The following GLRA2 variants were observed in gnomAD, a reference collection of about 807,000 sequenced individuals.
GLRA2 encodes the protein glycine receptor subunit alpha-2.
Under a neutral mutation model 31.6 loss-of-function variants are expected in GLRA2, and 11 were observed. The observed-to-expected ratio is 0.35, with a 90% CI of 0.22 to 0.58. The LOEUF (loss-of-function observed/expected upper bound fraction) is 0.58. Among genes scored for constraint, GLRA2 ranks in the 20% least tolerant of loss-of-function variants. The pLI, the probability that GLRA2 is intolerant of heterozygous loss-of-function variation, is 0.84. For missense variants in GLRA2, 212 were observed against 351.8 expected (o/e 0.60, Z 3.18); for synonymous variants, 132 against 134.0 (o/e 0.99, Z 0.10).
At position 14,575,421 on chromosome X, in the gene GLRA2, A is replaced by G. The variant is rs192935062; in HGVS notation, c.270+1021A>G. Among the ~76,000 whole-genome samples, 925 of 110,135 alleles carry G rather than the reference A, an allele frequency of 8.4e-3. 5 individuals are homozygous for G. The highest frequency in any genetic ancestry group is 0.013 in the Non-Finnish European group (698 of 52,755). ...CACTATCTTGGCCAGGCTGGTCTTG[A>G]ACTCTTGACCTCAGGTGATCCACCT... On this transcript the variant is annotated intron_variant, in intron 3 of 8. Coordinates refer to ENST00000218075, the MANE Select transcript of GLRA2 (RefSeq NM_002063.4).
At chrX:14,596,953 C>A (rs548335608) in intron 4 of GLRA2, among the ~76,000 whole-genome samples, 1 of 111,393 alleles carries the variant, frequency 9.0e-6, no homozygotes, top group African/African-American at 3.3e-5. Context: ...ACCAGCCTAG[C>A]GGTGTTTTTT....
chrX:14,523,582 G>C, the GLRA2 span, among the ~76,000 whole-genome samples: 1 of 111,619 alleles, frequency 9.0e-6, no homozygotes, highest in African/African-American at 3.3e-5. Context: ...GATTTCAAGT[G>C]AGAGACATAT....
At position 14,576,449 on chromosome X, in the gene GLRA2, G is replaced by GA. The variant is rs201371319; in HGVS notation, c.270+2050dup. Among the ~76,000 whole-genome samples, 974 of 111,427 alleles carry GA rather than the reference G, an allele frequency of 8.7e-3. 7 individuals carry two copies. Among genetic ancestry groups the GA allele is most frequent in the Non-Finnish European group, 0.014 (748 of 53,124 alleles). On this transcript the variant is annotated intron_variant, in intron 3 of 8. Coordinates refer to ENST00000218075, the MANE Select transcript of GLRA2 (RefSeq NM_002063.4). ...CCCTCTTGGCTTTATCGTAATAAGA[G>GA]AGGGGGCAAAGCTTCCAGTAGCCCA...
intron 8 of GLRA2, among the ~76,000 whole-genome samples, chrX:14,725,925 A>G (rs2091924194): frequency 1.8e-5 from 2 of 112,426 alleles, no homozygotes; most frequent in South Asian, 3.6e-4. Flanking sequence ...TGGATGATTC[A>G]TTTTCTGTGA....
chrX:14,463,348 G>A, the GLRA2 span, among the ~76,000 whole-genome samples: 10 of 111,576 alleles, frequency 9.0e-5, no homozygotes, highest in Non-Finnish European at 1.9e-4. Context: ...ATCAAAGCTC[G>A]TATGCCATGC....
chrX:14,484,042 A>G, the GLRA2 span, among the ~76,000 whole-genome samples: 1 of 111,708 alleles, frequency 9.0e-6, no homozygotes, highest in Admixed American at 9.5e-5. Context: ...CTCAGCCTGC[A>G]GACGGCCTAT....
the GLRA2 span, among the ~76,000 whole-genome samples, chrX:14,490,984 G>C: frequency 9.0e-6 from 1 of 111,720 alleles, no homozygotes; most frequent in Non-Finnish European, 1.9e-5. Context: ...GACTGCTTCT[G>C]TCTTTTCTCC....
intron 7 of GLRA2, among the ~76,000 whole-genome samples, chrX:14,655,132 AAAT>A (rs748528698): frequency 1.9e-4 from 21 of 111,612 alleles, no homozygotes; most frequent in African/African-American, 6.2e-4. Context: ...TTGGATTAGA[AAAT>A]AATAATAATA....
intron 8 of GLRA2, among the ~76,000 whole-genome samples, chrX:14,724,324 T>C (rs1192086740): frequency 1.8e-5 from 2 of 110,789 alleles, no homozygotes; most frequent in Non-Finnish European, 3.8e-5. Flanking sequence ...AATAAATATT[T>C]GTTAAAAATG....
intron 8 of GLRA2, among the ~76,000 whole-genome samples, chrX:14,719,343 ACAACT>A (rs1319082250): frequency 1.8e-5 from 2 of 111,860 alleles, no homozygotes; most frequent in Non-Finnish European, 3.8e-5. Context: ...AGGAGCTCAA[ACAACT>A]CAACAGCAAA....
intron 2 of GLRA2, among the ~76,000 whole-genome samples, chrX:14,555,600 A>T (rs1239151849): frequency 3.6e-5 from 4 of 111,880 alleles, no homozygotes; most frequent in African/African-American, 1.3e-4. Context: ...CTCATTGGTG[A>T]TTGTCATATT....
At chrX:14,467,223 T>C in the GLRA2 span, among the ~76,000 whole-genome samples, 27 of 112,462 alleles carry the variant, frequency 2.4e-4, no homozygotes, top group Non-Finnish European at 3.8e-5. Flanking sequence ...AAAAGATGTT[T>C]GTGTTCAGAA....
At chrX:14,613,246 C>T (rs1569509782) in intron 7 of GLRA2, among the ~76,000 whole-genome samples, 1 of 111,497 alleles carries the variant, frequency 9.0e-6, no homozygotes, top group Non-Finnish European at 1.9e-5. Flanking sequence ...GAAAAGACTG[C>T]TCCATGGCAT....
At chrX:14,661,097 C>CATGA (rs552553651) in intron 7 of GLRA2, among the ~76,000 whole-genome samples, 1,795 of 108,358 alleles carry the variant, frequency 0.017, 27 homozygotes, top group East Asian at 0.057. Context: ...AAAGATGCTA[C>CATGA]ATGAATGAAT....
intron 8 of GLRA2, among the ~76,000 whole-genome samples, chrX:14,729,773 C>T (rs2091969603): frequency 9.0e-6 from 1 of 110,748 alleles, no homozygotes; most frequent in African/African-American, 3.3e-5. Context: ...TTCCTTAGGG[C>T]CAGGCACACA....
Position 14,609,121 on chromosome X carries a change from A to G in GLRA2, c.846A>G (p.Ala282=). The change falls in exon 7 of 9, where the codon GCA becomes GCG. Residue 282 remains alanine, a synonymous_variant. Transcript: ENST00000218075. ...TTTCCTTTTGGATAAATATGGATGC[A>G]GCCCCTGCCAGGGTCGCACTGGGCA... ...SWVSFWINMD[A]APARVALGIT... 1.7e-6 allele frequency: 2 copies of G among 1,200,892 alleles called. No homozygotes were observed. The highest frequency in any genetic ancestry group is 2.3e-6 in the Non-Finnish European group (2 of 886,217).
chrX:14,607,243 C>T lies in GLRA2; in HGVS notation c.690C>T (p.Gly230=), dbSNP rs1369055057. 13 of 1,184,646 alleles carry T rather than the reference C, an allele frequency of 1.1e-5. No individual in the cohort carries two copies. Among genetic ancestry groups the T allele is most frequent in the Non-Finnish European group, 1.5e-5 (13 of 876,876 alleles). ...QFILKEEKEL[G]YCTKHYNTGK... Reference sequence around the variant, plus strand: ...TTTTGAAAGAAGAGAAGGAACTTGGCTACTGTACAAAGCACTACAACACTG... The same window carrying T: ...TTTTGAAAGAAGAGAAGGAACTTGGTTACTGTACAAAGCACTACAACACTG... The change falls in exon 6 of 9, where the codon GGC becomes GGT. Residue 230 remains glycine (G), a synonymous_variant. Transcript: ENST00000218075.
chrX:14,495,602 G>A, the GLRA2 span, among the ~76,000 whole-genome samples: 1 of 107,867 alleles, frequency 9.3e-6, no homozygotes, highest in Non-Finnish European at 1.9e-5. Context: ...ATATATATAC[G>A]CACTATATAT....
At chrX:14,589,986 A>T (rs1030451164) in intron 4 of GLRA2, among the ~76,000 whole-genome samples, 11 of 110,378 alleles carry the variant, frequency 1.0e-4, no homozygotes, top group African/African-American at 3.6e-4. Context: ...GTGTGTTATT[A>T]AACTGACCAG....
Sources: gnomAD v4.1 joint callset for allele counts (sites outside exome capture counted in the v4.1 genomes callset) on GRCh38, gnomAD v4.1.1 for gene constraint, MANE v1.5 for transcripts, NCBI Gene and HGNC (gene_info 2026-07-23, HGNC 2026-07-21) for gene names.